RASAL2: variants seen among roughly 807,000 people sequenced by gnomAD.
The protein encoded by RASAL2 is RAS protein activator like 2.
RASAL2 carries 58 observed loss-of-function variants against 128.9 expected under a neutral mutation model. That is an observed-to-expected ratio of 0.45 (90% CI 0.36 to 0.56). RASAL2 has a LOEUF of 0.56. Ranked by LOEUF, RASAL2 falls within the 20% of genes least tolerant of loss-of-function variation. The pLI, the probability that RASAL2 is intolerant of heterozygous loss-of-function variation, is 0.00. For missense variants in RASAL2, 1,360 were observed against 1,601.6 expected, an observed-to-expected ratio of 0.85 and a Z score of 2.57; for synonymous variants, 561 against 580.8, an observed-to-expected ratio of 0.97 and a Z score of 0.49.
intron 1 of RASAL2, among the ~76,000 whole-genome samples, chr1:178,186,339 G>GT (rs1173513578): frequency 6.6e-6 from 1 of 150,804 alleles, no homozygotes; most frequent in African/African-American, 2.4e-5. Flanking sequence ...TTCTGGTTTT[G>GT]TTTGTTTTTC....
rs890728705 is a variant in RASAL2, at chr1:178,159,904, AAAACAAAC to A, written c.202+65226_202+65233del. ...TGGGCGACAGAGCAAGACTCTGTCT[AAAACAAAC>A]AAACAAACAAACAAAAAAAACTACT... On this transcript the variant is annotated intron_variant, in intron 1 of 17. Transcript: ENST00000367649. Among the ~76,000 whole-genome samples the A allele has an allele frequency of 3.3e-5, 5 of 152,216 alleles. No individual in the cohort carries two copies. The South Asian group carries it at 8.3e-4, about 25-fold the overall frequency.
intron 5 of RASAL2, 24 bp downstream of exon 5, chr1:178,420,644 C>T: frequency 6.6e-7 from 1 of 1,517,770 alleles, no homozygotes; most frequent in South Asian, 1.2e-5. Flanking sequence ...TTTCTTAAAA[C>T]AAAAAAAGCA....
chr1:178,398,244 G>A (rs879557215), intron 4 of RASAL2, among the ~76,000 whole-genome samples: 2 of 151,960 alleles, frequency 1.3e-5, no homozygotes, highest in Non-Finnish European at 2.9e-5. Flanking sequence ...AGAAATAGAA[G>A]CATAATATTT....
intron 3 of RASAL2, among the ~76,000 whole-genome samples, chr1:178,330,279 T>A (rs1279910668): frequency 1.3e-5 from 2 of 152,228 alleles, no homozygotes; most frequent in African/African-American, 4.8e-5. Context: ...TATTATTTTG[T>A]CTTAATGGTT....
intron 15 of RASAL2, 103 bp downstream of exon 15, chr1:178,464,515 C>T (rs561570261): frequency 2.2e-6 from 3 of 1,347,492 alleles, no homozygotes; most frequent in Non-Finnish European, 1.0e-6. Flanking sequence ...CCATCTTCAC[C>T]TCTACCCCTT....
intron 5 of RASAL2, among the ~76,000 whole-genome samples, chr1:178,429,854 G>T (rs1272093577): frequency 6.6e-6 from 1 of 151,818 alleles, no homozygotes; most frequent in East Asian, 1.9e-4. Context: ...CTCACTTCTA[G>T]TTCATCCTCA....
chr1:178,413,126 A>C (rs6701080), intron 4 of RASAL2, among the ~76,000 whole-genome samples: 11,997 of 151,366 alleles, frequency 0.079, 545 homozygotes, highest in Middle Eastern at 0.14. Flanking sequence ...TCTCCGGCTA[A>C]TTTTTGTATG....
chr1:178,465,966 G>T lies in RASAL2; in HGVS notation c.3434G>T (p.Ser1145Ile), dbSNP rs1268873137. The change falls in exon 16 of 18, where the codon AGC becomes ATC. Residue 1145 changes from serine (S) to isoleucine (I), a missense_variant. This residue lies in a region of RASAL2 where 741 missense variants were observed against 868.6 expected (regional missense o/e 0.85). Coordinates refer to ENST00000367649, the MANE Select transcript of RASAL2 (RefSeq NM_170692.4). The stretch of plus-strand genomic sequence containing the variant: ...CTGAAGGAGCGCCTGAGAGTTTCCA[G>T]CCGGCGACTGGAGGAATATGAACGC... ...TKLKERLRVSSRRLEEYERRL... is the reference protein window; with the variant it reads ...TKLKERLRVSIRRLEEYERRL... 1 of 1,555,856 alleles carries T rather than the reference G, an allele frequency of 6.4e-7. No homozygotes were observed. Among genetic ancestry groups the T allele is most frequent in the Non-Finnish European group, 8.7e-7 (1 of 1,148,856 alleles).
chr1:178,380,468 T>C (rs1433837716), intron 3 of RASAL2, among the ~76,000 whole-genome samples: 1 of 152,152 alleles, frequency 6.6e-6, no homozygotes, highest in Non-Finnish European at 1.5e-5. Context: ...TGTATTAAAT[T>C]GAACTATATG....
chr1:178,147,867 C>T (rs957436917), intron 1 of RASAL2, among the ~76,000 whole-genome samples: 2 of 151,930 alleles, frequency 1.3e-5, no homozygotes, highest in African/African-American at 4.8e-5. Context: ...GTCAGGGGTT[C>T]GAGACCAGGC....
At chr1:178,288,490 C>T (rs1363828718) in intron 2 of RASAL2, among the ~76,000 whole-genome samples, 4 of 151,784 alleles carry the variant, frequency 2.6e-5, no homozygotes, top group Non-Finnish European at 5.9e-5. Context: ...GAGCTGTCCA[C>T]TGTGGTCAGC....
chr1:178,458,547 A>G lies in RASAL2; in HGVS notation c.3252+3A>G, dbSNP rs754098922. 2 of 1,600,766 alleles carry G rather than the reference A, an allele frequency of 1.2e-6. No homozygotes were observed. The highest frequency in any genetic ancestry group is 3.4e-5 in the Admixed American group (2 of 58,712). ...TCCAGAGACAACAGACACAGCAGGT[A>G]GGTGTGAGTGCTGAAGGGGCCTGGC... On this transcript the variant is annotated splice_donor_region_variant and intron_variant, in intron 14 of 17. Coordinates refer to ENST00000367649, the MANE Select transcript of RASAL2 (RefSeq NM_170692.4).
chr1:178,183,883 A>G (rs1297940840), intron 1 of RASAL2, among the ~76,000 whole-genome samples: 1 of 152,210 alleles, frequency 6.6e-6, no homozygotes, highest in Admixed American at 6.5e-5. Flanking sequence ...TGAAATTGCC[A>G]AACTGTACTC....
At chr1:178,437,597 T>C (rs1676337299) in intron 5 of RASAL2, among the ~76,000 whole-genome samples, 1 of 152,116 alleles carries the variant, frequency 6.6e-6, no homozygotes, top group Non-Finnish European at 1.5e-5. Context: ...TCTTTCCTGT[T>C]GAGAAGCTCA....
intron 1 of RASAL2, among the ~76,000 whole-genome samples, chr1:178,268,890 G>A (rs665318): frequency 0.95 from 145,223 of 152,292 alleles, 69,624 homozygotes; most frequent in East Asian, 1. Flanking sequence ...ATTCTTATTC[G>A]TTGTCATGTT....
Position 178,398,979 on chromosome 1 carries a change from A to G in RASAL2, c.564+8773A>G, listed in dbSNP as rs541766061. ...CAGGGCCTACACTTACAAAGGCTCA[A>G]TGCATGAAGTTCAATGCTGTATTGT... On this transcript the variant is annotated intron_variant, in intron 4 of 17. Transcript: ENST00000367649. Among the ~76,000 whole-genome samples, 7 of 152,342 alleles carry G rather than the reference A, an allele frequency of 4.6e-5. No individual in the cohort carries two copies. In the South Asian group the frequency reaches 1.4e-3, roughly 32 times the overall value.
At chr1:178,227,684 C>T (rs901129102) in intron 1 of RASAL2, among the ~76,000 whole-genome samples, 3 of 152,138 alleles carry the variant, frequency 2.0e-5, no homozygotes, top group African/African-American at 7.2e-5. Context: ...TAAGTAATTG[C>T]ATATTTATTC....
In RASAL2 at chr1:178,375,983, A is replaced by G. The variant is rs183684341; in HGVS notation, c.458-14117A>G. ...AAGCATCTGTAGGTCATCTGCTATC[A>G]AGAGCTTGTCAAGAAAAAAGAGAGG... is the stretch of plus-strand genomic sequence containing the variant. On this transcript the variant is annotated intron_variant, in intron 3 of 17. Transcript: ENST00000367649. 2.0e-5 allele frequency among the ~76,000 whole-genome samples: 3 copies of G among 152,222 alleles called. No individual in the cohort carries two copies. The East Asian group carries it at 5.8e-4, about 29-fold the overall frequency.
intron 16 of RASAL2, among the ~76,000 whole-genome samples, chr1:178,466,960 G>A (rs2102950482): frequency 6.6e-6 from 1 of 152,320 alleles, no homozygotes; most frequent in Admixed American, 6.5e-5. Flanking sequence ...ACTCATTGAG[G>A]AAACTTAGCT....
Sources: gnomAD v4.1 joint callset for allele counts (sites outside exome capture counted in the v4.1 genomes callset) on GRCh38, gnomAD v4.1.1 for gene constraint, gnomAD v4.1.1 regional missense constraint, MANE v1.5 for transcripts, NCBI Gene and HGNC (gene_info 2026-07-23, HGNC 2026-07-21) for gene names.